NR2F1-AS1: variants seen among roughly 807,000 people sequenced by gnomAD.
The protein encoded by NR2F1-AS1 is NR2F1 regulatory antisense RNA 1.
chr5:93,466,915 G>A (rs1213998876), intron 4 of NR2F1-AS1, among the ~76,000 whole-genome samples: 3 of 127,588 alleles, frequency 2.4e-5, no homozygotes, highest in African/African-American at 5.5e-5. Context: ...GGGGGGGGGG[G>A]GGGTGGACGG....
chr5:93,457,421 C>T (rs1380080760), intron 4 of NR2F1-AS1, among the ~76,000 whole-genome samples: 2 of 152,310 alleles, frequency 1.3e-5, no homozygotes, highest in South Asian at 2.1e-4. Flanking sequence ...CGTCACAGCA[C>T]GTGTTTCTGC....
intron 4 of NR2F1-AS1, among the ~76,000 whole-genome samples, chr5:93,513,854 C>G (rs962033093): frequency 2.0e-5 from 3 of 151,940 alleles, no homozygotes; most frequent in African/African-American, 4.8e-5. Flanking sequence ...ATTAGCTTCC[C>G]AACATTAATA....
chr5:93,506,196 T>C (rs1227966277), intron 4 of NR2F1-AS1, among the ~76,000 whole-genome samples: 1 of 152,232 alleles, frequency 6.6e-6, no homozygotes, highest in Non-Finnish European at 1.5e-5. Flanking sequence ...AGAGTCACCT[T>C]TGCTCCAGTT....
Position 93,483,432 on chromosome 5 carries a change from C to T in NR2F1-AS1, n.638+70329G>A, listed in dbSNP as rs1309646278. 2.0e-5 allele frequency among the ~76,000 whole-genome samples: 3 copies of T among 152,100 alleles called. No individual in the cohort carries two copies. The East Asian group carries it at 5.8e-4, about 29-fold the overall frequency. On this transcript the variant is annotated intron_variant and non_coding_transcript_variant, in intron 4 of 5. Transcript: ENST00000660523. ...AACAAAAAGGATGTCCACACAGAAA[C>T]CCCATCCGAAGGTCACCAACATCAA...
chr5:93,430,621 T>A (rs1266396500), intron 4 of NR2F1-AS1, among the ~76,000 whole-genome samples: 1 of 152,144 alleles, frequency 6.6e-6, no homozygotes, highest in Non-Finnish European at 1.5e-5. Flanking sequence ...GAATGTAAAA[T>A]TCTCACATCA....
At chr5:93,556,269 T>C (rs369382625) in intron 2 of NR2F1-AS1, among the ~76,000 whole-genome samples, 111 of 152,268 alleles carry the variant, frequency 7.3e-4, no homozygotes, top group African/African-American at 2.6e-3. Flanking sequence ...TCTTCAGGAG[T>C]TCTCCTGTTT....
intron 4 of NR2F1-AS1, among the ~76,000 whole-genome samples, chr5:93,478,272 A>G (rs1750528184): frequency 6.6e-6 from 1 of 152,350 alleles, no homozygotes; most frequent in East Asian, 1.9e-4. Flanking sequence ...TTCACATGTT[A>G]CAATGACAAT....
intron 4 of NR2F1-AS1, among the ~76,000 whole-genome samples, chr5:93,455,160 CCA>C (rs1318240874): frequency 1.3e-5 from 2 of 152,110 alleles, no homozygotes; most frequent in Non-Finnish European, 2.9e-5. Context: ...GTGACAATCC[CCA>C]CACACAGTTT....
chr5:93,443,225 G>A (rs1477607805), intron 4 of NR2F1-AS1, among the ~76,000 whole-genome samples: 1 of 152,188 alleles, frequency 6.6e-6, no homozygotes, highest in East Asian at 1.9e-4. Context: ...GAAGGCTTCA[G>A]ATGATCAGTA....
chr5:93,488,778 A>C (rs1042292748), intron 4 of NR2F1-AS1, among the ~76,000 whole-genome samples: 6 of 152,324 alleles, frequency 3.9e-5, no homozygotes, highest in African/African-American at 1.4e-4. Flanking sequence ...AAATCATTCT[A>C]ATATAAAGAC....
At chr5:93,521,699 A>T (rs1220958719) in intron 4 of NR2F1-AS1, among the ~76,000 whole-genome samples, 1 of 152,188 alleles carries the variant, frequency 6.6e-6, no homozygotes, top group African/African-American at 2.4e-5. Context: ...CTATTATTAA[A>T]AAGTCAGGAA....
At chr5:93,424,190 T>C (rs1219941243) in intron 4 of NR2F1-AS1, among the ~76,000 whole-genome samples, 2 of 152,082 alleles carry the variant, frequency 1.3e-5, no homozygotes, top group Non-Finnish European at 2.9e-5. Context: ...TTCAACTACA[T>C]GCCAACTACA....
chr5:93,574,412 A>G (rs1338276705), intron 1 of NR2F1-AS1, among the ~76,000 whole-genome samples: 1 of 152,232 alleles, frequency 6.6e-6, no homozygotes, highest in Non-Finnish European at 1.5e-5. Flanking sequence ...GTCACCACAG[A>G]GAAAGCGACT....
intron 1 of NR2F1-AS1, among the ~76,000 whole-genome samples, chr5:93,571,895 C>T (rs981055155): frequency 1.1e-4 from 17 of 151,996 alleles, no homozygotes; most frequent in African/African-American, 3.4e-4. Context: ...TTGTGTGAAC[C>T]TAAGTTCGGT....
In NR2F1-AS1 at chr5:93,483,133, AC is replaced by A. The variant is rs552563849; in HGVS notation, n.638+70627del. 1.2e-3 allele frequency among the ~76,000 whole-genome samples: 177 copies of A among 151,702 alleles called. 1 individual carries two copies. Among genetic ancestry groups the A allele is most frequent in the African/African-American group, 3.7e-3 (152 of 41,322 alleles). On this transcript the variant is annotated intron_variant and non_coding_transcript_variant, in intron 4 of 5. Transcript: ENST00000660523. ...GACTGCCTCCTCAAGTTGGTCCCTGACCCCCATGCCTCCTGACTGGGAGATA... is the reference window on the plus strand; with the variant it reads ...GACTGCCTCCTCAAGTTGGTCCCTGACCCCATGCCTCCTGACTGGGAGATA...
chr5:93,473,761 C>T (rs866501898), intron 4 of NR2F1-AS1, among the ~76,000 whole-genome samples: 2 of 151,682 alleles, frequency 1.3e-5, no homozygotes, highest in Non-Finnish European at 1.5e-5. Context: ...TCCCACAGAA[C>T]AACAGACTCT....
chr5:93,502,209 G>A (rs147885612), intron 4 of NR2F1-AS1, among the ~76,000 whole-genome samples: 6 of 152,144 alleles, frequency 3.9e-5, no homozygotes, highest in African/African-American at 1.4e-4. Context: ...TCACTTTATC[G>A]CAATATCCAC....
At chr5:93,441,521 G>A (rs1364495379) in intron 4 of NR2F1-AS1, among the ~76,000 whole-genome samples, 2 of 152,170 alleles carry the variant, frequency 1.3e-5, no homozygotes, top group African/African-American at 4.8e-5. Context: ...GTTGCCCCCA[G>A]TTTAAATTGT....
At chr5:93,420,599 G>A (rs1749069081) in intron 4 of NR2F1-AS1, among the ~76,000 whole-genome samples, 1 of 152,072 alleles carries the variant, frequency 6.6e-6, no homozygotes, top group Admixed American at 6.6e-5. Flanking sequence ...TAAAGGAAGA[G>A]GCCAACAAAA....
Sources: allele counts gnomAD v4.1 joint callset (sites outside exome capture counted in the v4.1 genomes callset), GRCh38; gene constraint gnomAD v4.1.1; transcripts MANE v1.5; gene names NCBI Gene and HGNC (gene_info 2026-07-23, HGNC 2026-07-21).